SCNN1B: variants seen among roughly 807,000 people sequenced by gnomAD.
SCNN1B encodes the protein sodium channel epithelial 1 subunit beta, also known as epithelial sodium channel subunit beta.
Under a neutral mutation model 65.3 loss-of-function variants are expected in SCNN1B, and 46 were observed. That is an observed-to-expected ratio of 0.70 (90% CI 0.56 to 0.90). The LOEUF (loss-of-function observed/expected upper bound fraction) is 0.90. Among genes scored for constraint, SCNN1B ranks in the 40% least tolerant of loss-of-function variants. SCNN1B has a pLI of 0.00. For synonymous variants in SCNN1B, 349 were observed against 330.6 expected (o/e 1.06, Z -0.60); for missense variants, 751 against 830.5 (o/e 0.90, Z 1.18).
intron 1 of SCNN1B, among the ~76,000 whole-genome samples, chr16:23,344,430 C>T (rs1385673874): frequency 6.6e-6 from 1 of 152,214 alleles, no homozygotes; most frequent in Non-Finnish European, 1.5e-5. Flanking sequence ...CCTATTGGAA[C>T]CTAATGTGAT....
In SCNN1B at chr16:23,348,559, C is replaced by T. The variant is rs200445503; in HGVS notation, c.-8-33C>T. 5.6e-6 allele frequency: 9 copies of T among 1,608,090 alleles called. No individual in the cohort carries two copies. Among genetic ancestry groups the T allele is most frequent in the African/African-American group, 2.7e-5 (2 of 74,798 alleles). The stretch of plus-strand genomic sequence containing the variant: ...CATCCTCGCAGGCAAGGCTGGTGTC[C>T]CAGCTGATGTGCGTCCCCATGCCTC... On this transcript the variant is annotated intron_variant, in intron 1 of 12. Coordinates refer to ENST00000343070, the MANE Select transcript of SCNN1B (RefSeq NM_000336.3). This position sits in a 1 kb window ranked among gnomAD's most constrained non-coding sequence, Gnocchi z 4.5.
intron 3 of SCNN1B, 79 bp from the exon 4 acceptor site, chr16:23,355,220 G>C: frequency 6.9e-7 from 1 of 1,445,572 alleles, no homozygotes; most frequent in South Asian, 1.1e-5. Flanking sequence ...CTCTTGCCCT[G>C]CTAGGGCCCT....
At chr16:23,357,665 A>C (rs1962448239) in intron 4 of SCNN1B, among the ~76,000 whole-genome samples, 1 of 152,228 alleles carries the variant, frequency 6.6e-6, no homozygotes, top group Admixed American at 6.5e-5. Context: ...ACTAAGCAGG[A>C]CAGAGCAGCA....
At chr16:23,328,466 A>G (rs1961742756) in intron 1 of SCNN1B, among the ~76,000 whole-genome samples, 1 of 152,214 alleles carries the variant, frequency 6.6e-6, no homozygotes, top group Non-Finnish European at 1.5e-5. Context: ...GCCCTTGTGC[A>G]TTAAGTACTT....
chr16:23,350,785 T>A (rs920073219), intron 2 of SCNN1B, among the ~76,000 whole-genome samples: 3 of 152,068 alleles, frequency 2.0e-5, no homozygotes, highest in African/African-American at 7.2e-5. Flanking sequence ...TGCTGGCACA[T>A]GCCTGTAAAC....
intron 1 of SCNN1B, among the ~76,000 whole-genome samples, chr16:23,312,457 C>A (rs772895623): frequency 6.6e-6 from 1 of 151,944 alleles, no homozygotes; most frequent in Non-Finnish European, 1.5e-5. Context: ...TTGAGGGGAC[C>A]GTGAGGCATT....
intron 1 of SCNN1B, chr16:23,304,043 A>G (rs1293497640): frequency 6.5e-7 from 1 of 1,534,804 alleles, no homozygotes; most frequent in South Asian, 1.2e-5. Flanking sequence ...AAACTGCTGC[A>G]TGGATTCCCG....
chr16:23,329,475 C>T (rs1399479262), intron 1 of SCNN1B, among the ~76,000 whole-genome samples: 2 of 152,148 alleles, frequency 1.3e-5, no homozygotes, highest in Admixed American at 1.3e-4. Context: ...TTTCTACTTG[C>T]CTAATGAAGT....
At position 23,352,712 on chromosome 16, in the gene SCNN1B, C is replaced by A; in HGVS notation, c.312-89C>A. ...TAGTATCTTTATAGCAGTGTGAAAACAGACTACTATGGAGTGGGTCCCAGA... is the reference window on the plus strand; with the variant it reads ...TAGTATCTTTATAGCAGTGTGAAAAAAGACTACTATGGAGTGGGTCCCAGA... On this transcript the variant is annotated intron_variant, in intron 2 of 12. Coordinates refer to ENST00000343070, the MANE Select transcript of SCNN1B (RefSeq NM_000336.3). 6 of 1,416,754 alleles carry A rather than the reference C, an allele frequency of 4.2e-6. No homozygotes were observed. In the South Asian group the frequency reaches 6.9e-5, roughly 16 times the overall value. The allele number at this position is 1,416,754 out of a possible 1,614,324, so 87.8% of individuals were successfully genotyped here.
At chr16:23,367,589 C>G (rs982015353) in intron 4 of SCNN1B, among the ~76,000 whole-genome samples, 1 of 152,256 alleles carries the variant, frequency 6.6e-6, no homozygotes, top group African/African-American at 2.4e-5. Flanking sequence ...TGAGCCACCA[C>G]GCCCGGCCAG....
chr16:23,340,643 A>T (rs1467514067), intron 1 of SCNN1B, among the ~76,000 whole-genome samples: 1 of 152,130 alleles, frequency 6.6e-6, no homozygotes. Flanking sequence ...TGATCCCAGT[A>T]CTTTATTGGC....
At position 23,348,506 on chromosome 16, in the gene SCNN1B, G is replaced by A. The variant is rs557051140; in HGVS notation, c.-8-86G>A. 1.1e-5 allele frequency: 15 copies of A among 1,304,818 alleles called. No individual in the cohort carries two copies. Among genetic ancestry groups the A allele is most frequent in the South Asian group, 3.8e-5 (3 of 79,914 alleles). The allele number at this position is 1,304,818 out of a possible 1,614,324, so 80.8% of individuals were successfully genotyped here. The stretch of plus-strand genomic sequence containing the variant: ...GAGGGAGGAAGAACGGGGACGTACC[G>A]CCGCCCAGTTCCTGGACGTGACTGG... On this transcript the variant is annotated intron_variant, in intron 1 of 12. Coordinates refer to ENST00000343070, the MANE Select transcript of SCNN1B (RefSeq NM_000336.3). This position sits in a 1 kb window ranked among gnomAD's most constrained non-coding sequence, Gnocchi z 4.5.
At chr16:23,376,526 G>T (rs921975330) in intron 8 of SCNN1B, among the ~76,000 whole-genome samples, 1 of 152,106 alleles carries the variant, frequency 6.6e-6, no homozygotes, top group Non-Finnish European at 1.5e-5. Context: ...CTCGAAACCT[G>T]GAGTCACAGC....
At chr16:23,305,622 C>G (rs1469290783) in intron 1 of SCNN1B, among the ~76,000 whole-genome samples, 2 of 126,104 alleles carry the variant, frequency 1.6e-5, no homozygotes, top group African/African-American at 5.7e-5. Flanking sequence ...TGGCATGTAC[C>G]TACAGTCCCA....
At chr16:23,297,947 C>T (rs576829167), upstream of SCNN1B, among the ~76,000 whole-genome samples, 1 of 152,156 alleles carries the variant, frequency 6.6e-6, no homozygotes, top group Non-Finnish European at 1.5e-5. Context: ...TTCACCTTGT[C>T]TTCTATGCAA....
At chr16:23,349,587 C>G (rs903423585) in intron 2 of SCNN1B, among the ~76,000 whole-genome samples, 1 of 152,018 alleles carries the variant, frequency 6.6e-6, no homozygotes, top group Non-Finnish European at 1.5e-5. Flanking sequence ...TAGAGAGAAC[C>G]TTGGGCACCC....
chr16:23,318,032 A>G (rs1257995252), intron 1 of SCNN1B, among the ~76,000 whole-genome samples: 1 of 152,162 alleles, frequency 6.6e-6, no homozygotes, highest in Non-Finnish European at 1.5e-5. Context: ...AGAAAGGTTG[A>G]GTGTAAATGC....
intron 2 of SCNN1B, among the ~76,000 whole-genome samples, chr16:23,285,652 AC>A (rs577857744): frequency 0.013 from 1,673 of 130,866 alleles, 16 homozygotes; most frequent in Non-Finnish European, 0.021. Context: ...GAGTAAAAAA[AC>A]AATAATAATA....
At chr16:23,305,579 A>T (rs368805127) in intron 1 of SCNN1B, among the ~76,000 whole-genome samples, 9 of 22,548 alleles carry the variant, frequency 4.0e-4, no homozygotes, top group African/African-American at 3.8e-3. Flanking sequence ...TATATATATT[A>T]TATATATATA....
Sources: allele counts gnomAD v4.1 joint callset (sites outside exome capture counted in the v4.1 genomes callset), GRCh38; gene constraint gnomAD v4.1.1; non-coding constraint Gnocchi (gnomAD v3.1); transcripts MANE v1.5; gene names NCBI Gene and HGNC (gene_info 2026-07-23, HGNC 2026-07-21).